Variants in GET4 observed in about 807,000 individuals in gnomAD.
The protein encoded by GET4 is Golgi to ER traffic protein 4 homolog.
A neutral mutation model predicts 40.0 loss-of-function variants in GET4; 20 were observed. That is an observed-to-expected ratio of 0.50 (90% CI 0.35 to 0.73). GET4 has a LOEUF of 0.73. Ranked by LOEUF, GET4 falls within the 30% of genes least tolerant of loss-of-function variation. The probability of loss-of-function intolerance (pLI) is 0.01; values close to 1 mark genes in which losing one functional copy is unlikely to be tolerated. For synonymous variants in GET4, 280 were observed against 194.6 expected, an observed-to-expected ratio of 1.44 and a Z score of -3.65; for missense variants, 557 against 454.0, an observed-to-expected ratio of 1.23 and a Z score of -2.06.
chr7:887,555 C>G (rs373334223), intron 4 of GET4, 36 bp downstream of exon 4: 84 of 1,467,018 alleles, frequency 5.7e-5, no homozygotes, highest in African/African-American at 2.1e-4. Context: ...GGGCACCTCT[C>G]TGCTCTCGGC....
Position 893,886 on chromosome 7 carries a change from C to G in GET4, c.823-13C>G, listed in dbSNP as rs1314925377. 9 of 1,612,432 alleles carry G rather than the reference C, an allele frequency of 5.6e-6. No individual in the cohort carries two copies. The highest frequency in any genetic ancestry group is 7.6e-6 in the Non-Finnish European group (9 of 1,179,110). On this transcript the variant is annotated splice_polypyrimidine_tract_variant and intron_variant, in intron 7 of 8. Transcript: ENST00000265857. ...GGTCCACCCCCTCTGAGCCCGCTGC[C>G]TGTGCCTTGCAGTACCTCGACCGCA...
intron 4 of GET4, among the ~76,000 whole-genome samples, chr7:888,829 C>T (rs918682060): frequency 1.3e-5 from 2 of 152,268 alleles, no homozygotes; most frequent in East Asian, 1.9e-4. Flanking sequence ...CGAACTGCCA[C>T]TCTGCGTGGG....
chr7:880,513 G>T (rs902568810), intron 1 of GET4: 1 of 152,272 alleles, frequency 6.6e-6, no homozygotes, highest in African/African-American at 2.4e-5. Flanking sequence ...AACGGGGGGT[G>T]ATGAGCATTC....
chr7:894,495 C>T (rs1207670001), intron 8 of GET4, among the ~76,000 whole-genome samples: 1 of 152,152 alleles, frequency 6.6e-6, no homozygotes. Context: ...CCTCTCCCCA[C>T]AGATGTCTGC....
chr7:893,481 C>T (rs1247635776), intron 6 of GET4, among the ~76,000 whole-genome samples: 3 of 106,640 alleles, frequency 2.8e-5, no homozygotes, highest in Non-Finnish European at 6.0e-5. Context: ...GTGGTTTGTG[C>T]AGGTGAGTGT....
At chr7:890,728 G>A (rs758650833) in intron 4 of GET4, among the ~76,000 whole-genome samples, 200 bp from the exon 5 acceptor site, 9 of 152,078 alleles carry the variant, frequency 5.9e-5, no homozygotes, top group Non-Finnish European at 1.3e-4. Context: ...ACTTTTCCCC[G>A]TGGATCTGTT....
chr7:895,270 G>A (rs895242962), intron 8 of GET4, 64 bp from the exon 9 acceptor site: 33 of 765,918 alleles, frequency 4.3e-5, no homozygotes, highest in Non-Finnish European at 6.7e-5. Flanking sequence ...TTTGTGGGAA[G>A]GAGGGGCTTG....
At chr7:888,386 C>T (rs944712377) in intron 4 of GET4, among the ~76,000 whole-genome samples, 8 of 152,202 alleles carry the variant, frequency 5.3e-5, no homozygotes, top group Non-Finnish European at 1.2e-4. Context: ...CATGCCCATC[C>T]GACCTCCGAC....
In GET4 at chr7:893,833, G is replaced by GGGAGGGA. The variant is rs746300149; in HGVS notation, c.822+25_822+31dup. On this transcript the variant is annotated intron_variant, in intron 7 of 8. Transcript: ENST00000265857. ...ACAACGAGGTGAGAGCTTGGGGCTG[G>GGGAGGGA]GGAGGGAGGAGGGGACCCCACGGTC... 6.2e-7 allele frequency: 1 copy of GGGAGGGA among 1,608,956 alleles called. No homozygotes were observed. The highest frequency in any genetic ancestry group is 2.2e-5 in the East Asian group (1 of 44,868).
chr7:895,277 C>T, intron 8 of GET4, 57 bp from the exon 9 acceptor site: 2 of 828,664 alleles, frequency 2.4e-6, no homozygotes, highest in East Asian at 2.6e-5. Flanking sequence ...GAAGGAGGGG[C>T]TTGGGGGCCT....
chr7:893,604 G>A (rs1371615469), intron 6 of GET4, 136 bp from the exon 7 acceptor site: 6 of 482,816 alleles, frequency 1.2e-5, no homozygotes, highest in South Asian at 2.0e-5. Context: ...GCATGGGCGC[G>A]GTGTGTGCAG....
rs1225204023 is a variant in GET4 at position 895,939 on chromosome 7, G to A, written c.*517G>A. 1.3e-5 allele frequency: 2 copies of A among 152,358 alleles called. No individual in the cohort carries two copies. Among genetic ancestry groups the A allele is most frequent in the Admixed American group, 6.5e-5 (1 of 15,296 alleles). The allele number at this position is 152,358 out of a possible 1,614,324, so 9.4% of individuals were successfully genotyped here. On this transcript the variant is annotated 3_prime_UTR_variant, in exon 9 of 9. Coordinates refer to ENST00000265857, the MANE Select transcript of GET4 (RefSeq NM_015949.3). Reference sequence around the variant, plus strand: ...TCAGGACGAACCGGTCCCCGTCGCAGACGGAGTGCACGTGCCCTGCGCCAC... The same window carrying A: ...TCAGGACGAACCGGTCCCCGTCGCAAACGGAGTGCACGTGCCCTGCGCCAC...
intron 4 of GET4, among the ~76,000 whole-genome samples, chr7:888,170 G>A (rs907643128): frequency 1.3e-5 from 2 of 152,174 alleles, no homozygotes; most frequent in African/African-American, 2.4e-5. Flanking sequence ...CTTGGCAGGT[G>A]GGGAGGCGGC....
chr7:888,444 G>A (rs754067541), intron 4 of GET4, among the ~76,000 whole-genome samples: 1 of 152,224 alleles, frequency 6.6e-6, no homozygotes, highest in African/African-American at 2.4e-5. Flanking sequence ...CAGGAGGCTC[G>A]GCGCCCTCAG....
At chr7:890,825 G>A in intron 4 of GET4, 103 bp from the exon 5 acceptor site, 1 of 929,124 alleles carries the variant, frequency 1.1e-6, no homozygotes, top group Non-Finnish European at 1.7e-6. Flanking sequence ...TCTCCTCCAG[G>A]GCGGGCAGGT....
In GET4 at chr7:876,642, C is replaced by T. The variant is rs574215696; in HGVS notation, c.-4C>T. ...GCGTCAGCCCTGCGCGGAGCGCCGG[C>T]CCGATGGCGGCGGCGGCGGCGATGG... On this transcript the variant is annotated 5_prime_UTR_variant, in exon 1 of 9. Transcript: ENST00000265857. The T allele has an allele frequency of 1.0e-5, 13 of 1,261,616 alleles. No homozygotes were observed. Among genetic ancestry groups the T allele is most frequent in the South Asian group, 2.3e-5 (1 of 44,002 alleles). 78.2% of individuals were successfully genotyped at this position (1,261,616 alleles called of 1,614,324 possible). A position where few individuals can be genotyped will look rare whatever the true frequency, so the allele number is the denominator to read the frequency against.
At chr7:878,551 A>C (rs923466106) in intron 1 of GET4, among the ~76,000 whole-genome samples, 9 of 148,182 alleles carry the variant, frequency 6.1e-5, no homozygotes, top group African/African-American at 2.0e-4. Context: ...CCTGGTTTTC[A>C]GGGGTTTTTT....
chr7:884,162 G>C, intron 1 of GET4: 1 of 1,291,158 alleles, frequency 7.7e-7, no homozygotes. Flanking sequence ...CTGTAGTATC[G>C]GCAAAGCAGA....
In GET4 at chr7:895,317, G is replaced by C. The variant is rs375274038; in HGVS notation, c.896-17G>C. 1.7e-5 allele frequency: 23 copies of C among 1,379,098 alleles called. No individual in the cohort carries two copies. Among genetic ancestry groups the C allele is most frequent in the African/African-American group, 1.6e-4 (11 of 70,032 alleles). 85.4% of individuals were successfully genotyped at this position (1,379,098 alleles called of 1,614,324 possible). ...GAGGCTGCCCAGGCGTGACTGCCACGGTGTTCTTCTTTCCAGGGAACCTTC... is the reference window on the plus strand; with the variant it reads ...GAGGCTGCCCAGGCGTGACTGCCACCGTGTTCTTCTTTCCAGGGAACCTTC... On this transcript the variant is annotated splice_polypyrimidine_tract_variant and intron_variant, in intron 8 of 8. Transcript: ENST00000265857.
Sources: gnomAD v4.1 joint callset for allele counts (sites outside exome capture counted in the v4.1 genomes callset) on GRCh38, gnomAD v4.1.1 for gene constraint, MANE v1.5 for transcripts, NCBI Gene and HGNC (gene_info 2026-07-23, HGNC 2026-07-21) for gene names.